The following PRELID2 variants were observed in gnomAD, a reference collection of about 807,000 sequenced individuals.
The protein encoded by PRELID2 is PRELI domain-containing protein 2.
PRELID2 carries 25 observed loss-of-function variants against 28.4 expected under a neutral mutation model. The observed-to-expected ratio is 0.88, with a 90% CI of 0.64 to 1.23. PRELID2 has a LOEUF of 1.23. PRELID2 is among the 50% of genes most tolerant of loss of function. PRELID2 has a pLI of 0.00. For missense variants in PRELID2, 201 were observed against 214.4 expected, an observed-to-expected ratio of 0.94 and a Z score of 0.39; for synonymous variants, 76 against 71.6, an observed-to-expected ratio of 1.06 and a Z score of -0.31.
At chr5:145,464,810 A>G in the PRELID2 span, among the ~76,000 whole-genome samples, 207 of 152,274 alleles carry the variant, frequency 1.4e-3, no homozygotes, top group African/African-American at 4.9e-3. Context: ...GTGTATTAGA[A>G]GAGGTACAGA....
At chr5:145,686,691 C>T (rs973432004) in intron 1 of PRELID2, among the ~76,000 whole-genome samples, 8 of 152,136 alleles carry the variant, frequency 5.3e-5, no homozygotes, top group Non-Finnish European at 1.2e-4. Context: ...GGGCTCAGAG[C>T]ACCAATTACT....
chr5:145,728,233 T>C (rs564595847), intron 1 of PRELID2: 227 of 218,930 alleles, frequency 1.0e-3, no homozygotes, highest in African/African-American at 5.1e-3. Context: ...TGACCTTATA[T>C]TGTTAGTCTT....
intron 1 of PRELID2, among the ~76,000 whole-genome samples, chr5:145,700,869 G>C (rs778089755): frequency 6.6e-6 from 1 of 152,166 alleles, no homozygotes; most frequent in Non-Finnish European, 1.5e-5. Flanking sequence ...ACCCAGGTGA[G>C]CAAGCCCCTC....
intron 1 of PRELID2, among the ~76,000 whole-genome samples, chr5:145,544,113 G>C (rs1447005696): frequency 6.6e-6 from 1 of 152,038 alleles, no homozygotes; most frequent in Non-Finnish European, 1.5e-5. Context: ...GAGTCAGAAA[G>C]CATCAAAAGT....
chr5:145,484,763 C>T (rs1752198435), intron 1 of PRELID2, among the ~76,000 whole-genome samples: 2 of 152,144 alleles, frequency 1.3e-5, no homozygotes, highest in South Asian at 2.1e-4. Context: ...CTCTTTTAGC[C>T]AACAAGGAGT....
intron 1 of PRELID2, among the ~76,000 whole-genome samples, chr5:145,531,917 G>C (rs916377256): frequency 1.3e-5 from 2 of 152,160 alleles, no homozygotes; most frequent in East Asian, 3.9e-4. Context: ...ATGTAGACTT[G>C]AGAAAGTTAT....
rs1755127334 is a variant in PRELID2 at position 145,690,535 on chromosome 5, A to G, written n.70+74396T>C. Reference sequence around the variant, plus strand: ...CCTGCAGCTACATGACAACCACAAGAGGCAAGCTTGTTTGAATATAGGGAT... The same window carrying G: ...CCTGCAGCTACATGACAACCACAAGGGGCAAGCTTGTTTGAATATAGGGAT... On this transcript the variant is annotated intron_variant and non_coding_transcript_variant, in intron 1 of 2. Transcript: ENST00000510259. Among the ~76,000 whole-genome samples the G allele has an allele frequency of 2.6e-5, 4 of 152,312 alleles. No homozygotes were observed. In the South Asian group the frequency reaches 8.3e-4, roughly 32 times the overall value.
chr5:145,587,615 A>C (rs1753171746), intron 1 of PRELID2, among the ~76,000 whole-genome samples: 1 of 152,154 alleles, frequency 6.6e-6, no homozygotes, highest in African/African-American at 2.4e-5. Flanking sequence ...TTTCTATCGC[A>C]CTTTGAGAAA....
chr5:145,420,621 G>A, the PRELID2 span, among the ~76,000 whole-genome samples: 12 of 119,286 alleles, frequency 1.0e-4, no homozygotes, highest in African/African-American at 3.7e-4. Flanking sequence ...ATCAGCTTAA[G>A]GAGATTTTGG....
chr5:145,534,042 A>G (rs1752676666), intron 1 of PRELID2, among the ~76,000 whole-genome samples: 1 of 152,074 alleles, frequency 6.6e-6, no homozygotes, highest in Admixed American at 6.6e-5. Flanking sequence ...TTTGGACTCC[A>G]ATTTTTATTT....
chr5:145,319,680 A>AAAAT, the PRELID2 span, among the ~76,000 whole-genome samples: 2,618 of 144,584 alleles, frequency 0.018, 29 homozygotes, highest in Non-Finnish European at 0.022. Context: ...CTCCATCTCA[A>AAAAT]AAATAAATAA....
intron 1 of PRELID2, among the ~76,000 whole-genome samples, chr5:145,657,950 T>C (rs1440922335): frequency 1.3e-5 from 2 of 152,176 alleles, no homozygotes; most frequent in African/African-American, 2.4e-5. Context: ...TATTCCCCCA[T>C]CTCATCCCAT....
the PRELID2 span, among the ~76,000 whole-genome samples, chr5:145,271,834 T>G: frequency 2.0e-5 from 3 of 152,290 alleles, no homozygotes; most frequent in East Asian, 5.8e-4. Flanking sequence ...CAGAATCCCA[T>G]AACTATCTCT....
At chr5:145,699,553 CT>C (rs1755360863) in intron 1 of PRELID2, among the ~76,000 whole-genome samples, 1 of 152,102 alleles carries the variant, frequency 6.6e-6, no homozygotes, top group South Asian at 2.1e-4. Context: ...CATCTCTTCC[CT>C]GCTCATTGAC....
At chr5:145,263,769 C>A in the PRELID2 span, among the ~76,000 whole-genome samples, 1 of 151,708 alleles carries the variant, frequency 6.6e-6, no homozygotes, top group African/African-American at 2.4e-5. Flanking sequence ...AAGATACAAC[C>A]GTTCTAGATT....
At chr5:145,551,437 T>C (rs144293155) in intron 1 of PRELID2, among the ~76,000 whole-genome samples, 3 of 142,298 alleles carry the variant, frequency 2.1e-5, no homozygotes, top group Admixed American at 7.0e-5. Context: ...AATAAATAAA[T>C]AAACCTGCTT....
At chr5:145,445,298 A>C in the PRELID2 span, among the ~76,000 whole-genome samples, 1 of 152,108 alleles carries the variant, frequency 6.6e-6, no homozygotes, top group African/African-American at 2.4e-5. Flanking sequence ...GTCTTCAATA[A>C]ACGGTGCTGA....
At chr5:145,434,925 G>GCT in the PRELID2 span, among the ~76,000 whole-genome samples, 7 of 152,122 alleles carry the variant, frequency 4.6e-5, no homozygotes, top group African/African-American at 1.4e-4. Flanking sequence ...TCAATCCCTG[G>GCT]CTCTTCCACT....
intron 1 of PRELID2, among the ~76,000 whole-genome samples, chr5:145,740,937 TGTACATATA>T (rs1756693057): frequency 2.7e-5 from 1 of 37,630 alleles, no homozygotes; most frequent in Non-Finnish European, 7.0e-5. Flanking sequence ...TAAATATATA[TGTACATATA>T]TTTATCTATA....
Sources: gnomAD v4.1 joint callset for allele counts (sites outside exome capture counted in the v4.1 genomes callset) on GRCh38, gnomAD v4.1.1 for gene constraint, MANE v1.5 for transcripts, NCBI Gene and HGNC (gene_info 2026-07-23, HGNC 2026-07-21) for gene names.